MAP4K5: variants seen among roughly 807,000 people sequenced by gnomAD.
MAP4K5 encodes the protein mitogen-activated protein kinase kinase kinase kinase 5.
In MAP4K5, 82 loss-of-function variants were observed where a neutral mutation model predicts 135.6. The observed-to-expected ratio is 0.60, with a 90% CI of 0.51 to 0.73. The LOEUF is 0.73. MAP4K5 is among the 30% of genes least tolerant of loss of function. The pLI is 0.00. For missense variants in MAP4K5, 907 were observed against 1,010.9 expected, an observed-to-expected ratio of 0.90 and a Z score of 1.39; for synonymous variants, 347 against 335.0, an observed-to-expected ratio of 1.04 and a Z score of -0.39.
intron 3 of MAP4K5, among the ~76,000 whole-genome samples, chr14:50,486,868 C>T (rs2139935670): frequency 6.6e-6 from 1 of 152,192 alleles, no homozygotes; most frequent in East Asian, 1.9e-4. Context: ...TAGTGAGCCT[C>T]CCTCTCCCAA....
At chr14:50,512,666 C>T (rs1016809657) in intron 2 of MAP4K5, among the ~76,000 whole-genome samples, 1 of 152,082 alleles carries the variant, frequency 6.6e-6, no homozygotes, top group Admixed American at 6.5e-5. Flanking sequence ...GTACCAGGCT[C>T]TTTTATAATG....
chr14:50,427,243 A>G (rs1827105919), intron 30 of MAP4K5, among the ~76,000 whole-genome samples: 1 of 152,200 alleles, frequency 6.6e-6, no homozygotes, highest in Non-Finnish European at 1.5e-5. Context: ...GTGTGTTTCA[A>G]TGAAAGTGAA....
chr14:50,451,214 A>C lies in MAP4K5; in HGVS notation c.1016-2382T>G, dbSNP rs568735690. 1.8e-4 allele frequency among the ~76,000 whole-genome samples: 27 copies of C among 152,274 alleles called. 1 individual carries two copies. The South Asian group carries it at 5.2e-3, about 29-fold the overall frequency. ...CTCAATACTGTAAAAAAGATCAATAAGCTTCAAGTCACGGCAACAGAAACA... is the reference window on the plus strand; with the variant it reads ...CTCAATACTGTAAAAAAGATCAATACGCTTCAAGTCACGGCAACAGAAACA... On this transcript the variant is annotated intron_variant, in intron 14 of 32. Coordinates refer to ENST00000682126, the MANE Select transcript of MAP4K5 (RefSeq NM_006575.6).
chr14:50,534,590 C>T (rs999848993), upstream of MAP4K5, among the ~76,000 whole-genome samples: 4 of 152,164 alleles, frequency 2.6e-5, no homozygotes, highest in African/African-American at 9.7e-5. Context: ...CCCTGGAGTG[C>T]GGATATTTTA....
chr14:50,546,943 C>T (rs186027572), intron 1 of MAP4K5, among the ~76,000 whole-genome samples: 4 of 152,006 alleles, frequency 2.6e-5, no homozygotes, highest in Non-Finnish European at 4.4e-5. Flanking sequence ...ACCCATATAC[C>T]CGTCATCTAC....
intron 25 of MAP4K5, 85 bp downstream of exon 25, chr14:50,437,809 T>A (rs907381840): frequency 1.2e-5 from 11 of 922,346 alleles, no homozygotes; most frequent in Non-Finnish European, 1.7e-5. Flanking sequence ...TAAGACATAG[T>A]TTTTTACTGG....
chr14:50,553,570 C>T (rs1191763414), intron 1 of MAP4K5, among the ~76,000 whole-genome samples: 2 of 152,124 alleles, frequency 1.3e-5, no homozygotes, highest in African/African-American at 4.8e-5. Context: ...AAAAGTGGAA[C>T]TACCATTTGA....
At chr14:50,444,254 T>C (rs1301002009) in intron 18 of MAP4K5, among the ~76,000 whole-genome samples, 2 of 152,282 alleles carry the variant, frequency 1.3e-5, no homozygotes, top group East Asian at 3.9e-4. Flanking sequence ...TTTTTCCGTA[T>C]CATGAAGAAA....
chr14:50,418,795 A>C lies in MAP4K5; in HGVS notation c.*1224T>G, dbSNP rs1263270620. 6.6e-6 allele frequency: 1 copy of C among 152,196 alleles called. No individual in the cohort carries two copies. The highest frequency in any genetic ancestry group is 1.5e-5 in the Non-Finnish European group (1 of 68,022). The allele number at this position is 152,196 out of a possible 1,614,324, so 9.4% of individuals were successfully genotyped here. ...TTGCTAACCCCTTGTTCATCATCTC[A>C]ATGCTGTTCTCAATAAATGCATTAA... is the stretch of plus-strand genomic sequence containing the variant. On this transcript the variant is annotated 3_prime_UTR_variant, in exon 33 of 33. Transcript: ENST00000682126.
intron 3 of MAP4K5, among the ~76,000 whole-genome samples, chr14:50,504,499 T>A (rs2037768919): frequency 6.6e-6 from 1 of 152,094 alleles, no homozygotes; most frequent in Non-Finnish European, 1.5e-5. Flanking sequence ...TTGAATACTT[T>A]CCTAATCAAA....
intron 10 of MAP4K5, 27 bp from the exon 11 acceptor site, chr14:50,466,672 C>T: frequency 2.9e-6 from 3 of 1,033,798 alleles, no homozygotes; most frequent in Non-Finnish European, 4.4e-6. Context: ...AGTTAAAGAA[C>T]AATATCAAAA....
At chr14:50,490,101 CAGACAGAGAG>C (rs1227906075) in intron 3 of MAP4K5, among the ~76,000 whole-genome samples, 1 of 136,816 alleles carries the variant, frequency 7.3e-6, no homozygotes, top group Non-Finnish European at 1.6e-5. Context: ...GAGAGAGAGA[CAGACAGAGAG>C]AGACAGAGAG....
At chr14:50,504,067 T>C (rs1474585072) in intron 3 of MAP4K5, among the ~76,000 whole-genome samples, 2 of 152,086 alleles carry the variant, frequency 1.3e-5, no homozygotes, top group Non-Finnish European at 2.9e-5. Context: ...GCTACCTCAG[T>C]ACTATTATCT....
intron 2 of MAP4K5, among the ~76,000 whole-genome samples, chr14:50,524,049 CTG>C (rs967512071): frequency 2.0e-5 from 3 of 152,140 alleles, no homozygotes; most frequent in African/African-American, 7.2e-5. Context: ...TTCCTTTTAT[CTG>C]CTTTCTGAAT....
intron 26 of MAP4K5, 141 bp from the exon 27 acceptor site, chr14:50,435,206 C>G (rs191476644): frequency 2.1e-6 from 1 of 472,044 alleles, no homozygotes; most frequent in East Asian, 3.0e-5. Context: ...TTGCCTTTTC[C>G]GTTTTACTTT....
intron 3 of MAP4K5, among the ~76,000 whole-genome samples, chr14:50,489,605 A>G (rs565784607): frequency 1.3e-5 from 2 of 152,314 alleles, no homozygotes; most frequent in East Asian, 3.9e-4. Flanking sequence ...CTAAAGGATT[A>G]ATCACTACCA....
At chr14:50,432,139 C>A (rs2035984978) in intron 28 of MAP4K5, among the ~76,000 whole-genome samples, 1 of 152,174 alleles carries the variant, frequency 6.6e-6, no homozygotes, top group South Asian at 2.1e-4. Context: ...TGCTAAGCAC[C>A]ATCCTTGGAG....
intron 30 of MAP4K5, among the ~76,000 whole-genome samples, chr14:50,428,404 C>T (rs1483577162): frequency 7.3e-5 from 11 of 151,562 alleles, no homozygotes; most frequent in Non-Finnish European, 5.9e-5. Flanking sequence ...TACAGGCACC[C>T]GCCAGCATGC....
At chr14:50,437,666 C>A in intron 25 of MAP4K5, 132 bp from the exon 26 acceptor site, 1 of 673,404 alleles carries the variant, frequency 1.5e-6, no homozygotes, top group South Asian at 2.0e-5. Context: ...CACACTATCT[C>A]ATCTTATAGG....
Sources: allele counts gnomAD v4.1 joint callset (sites outside exome capture counted in the v4.1 genomes callset), GRCh38; gene constraint gnomAD v4.1.1; transcripts MANE v1.5; gene names NCBI Gene and HGNC (gene_info 2026-07-23, HGNC 2026-07-21).